Variants in ZNF451 observed in about 807,000 individuals in gnomAD.
The protein encoded by ZNF451 is zinc finger protein 451.
ZNF451 carries 80 observed loss-of-function variants against 107.1 expected under a neutral mutation model. The ratio of observed to expected loss-of-function variants is 0.75; its 90% CI spans 0.62 to 0.90. The LOEUF (loss-of-function observed/expected upper bound fraction) is 0.90, where lower values mean the gene tolerates loss of function less well. ZNF451 is among the 40% of genes least tolerant of loss of function. The pLI is 0.00. For synonymous variants in ZNF451, 362 were observed against 406.5 expected (o/e 0.89, Z 1.32); for missense variants, 1,107 against 1,236.2 (o/e 0.90, Z 1.57).
intron 6 of ZNF451, among the ~76,000 whole-genome samples, chr6:57,133,583 A>T (rs1231317982): frequency 6.6e-6 from 1 of 152,228 alleles, no homozygotes; most frequent in Non-Finnish European, 1.5e-5. Flanking sequence ...TTACAAAATA[A>T]ATGTTAAAAG....
intron 3 of ZNF451, chr6:57,115,270 A>T (rs781001015): frequency 2.0e-5 from 3 of 152,200 alleles, no homozygotes; most frequent in Non-Finnish European, 2.9e-5. Flanking sequence ...TGTCAGAAAA[A>T]AAAAGTATCT....
At chr6:57,098,189 C>T (rs544067426) in intron 2 of ZNF451, among the ~76,000 whole-genome samples, 2 of 149,588 alleles carry the variant, frequency 1.3e-5, no homozygotes, top group East Asian at 2.0e-4. Context: ...AGGCTGGTCT[C>T]GAACTCCAGC....
chr6:57,161,693 T>G (rs1424143047), intron 14 of ZNF451, among the ~76,000 whole-genome samples: 1 of 152,100 alleles, frequency 6.6e-6, no homozygotes, highest in East Asian at 1.9e-4. Context: ...GGGTTTTTTT[T>G]GTTTGTTTTT....
chr6:57,143,638 CG>C (rs1162797488), intron 9 of ZNF451, among the ~76,000 whole-genome samples: 2 of 152,152 alleles, frequency 1.3e-5, no homozygotes, highest in Non-Finnish European at 2.9e-5. Context: ...GTTAAAAATA[CG>C]TATCTCTTTT....
At chr6:57,162,806 TA>T (rs1197729877) in intron 14 of ZNF451, among the ~76,000 whole-genome samples, 2 of 152,236 alleles carry the variant, frequency 1.3e-5, no homozygotes, top group African/African-American at 4.8e-5. Context: ...TGTAACTGGA[TA>T]TGTACCACAT....
chr6:57,101,835 G>T (rs1487964047), intron 3 of ZNF451: 10 of 1,550,446 alleles, frequency 6.4e-6, no homozygotes, highest in African/African-American at 1.4e-5. Context: ...CCCAGGAGAA[G>T]ATCTCCCACT....
chr6:57,106,617 T>C lies in ZNF451; in HGVS notation c.186+7476T>C, dbSNP rs572849815. 1,851 of 981,254 alleles carry C rather than the reference T, an allele frequency of 1.9e-3. 1 individual carries two copies. The highest frequency in any genetic ancestry group is 5.5e-3 in the Admixed American group (89 of 16,226). The allele number at this position is 981,254 out of a possible 1,614,324, so 60.8% of individuals were successfully genotyped here. On this transcript the variant is annotated intron_variant, in intron 3 of 14. Coordinates refer to ENST00000370706, the MANE Select transcript of ZNF451 (RefSeq NM_001031623.3). ...CACCGCGCCTGGCTGTGAAATTTTT[T>C]TTTTTTTTTTTTTTATGTGAGGCAT...
chr6:57,141,836 A>G, intron 8 of ZNF451, 112 bp from the exon 9 acceptor site: 1 of 926,108 alleles, frequency 1.1e-6, no homozygotes, highest in Non-Finnish European at 1.6e-6. Context: ...TTGCCAAAAT[A>G]ACTGTCTTCT....
intron 14 of ZNF451, among the ~76,000 whole-genome samples, chr6:57,167,006 A>G (rs1763928053): frequency 6.6e-6 from 1 of 152,184 alleles, no homozygotes; most frequent in South Asian, 2.1e-4. Context: ...TGGAGGTATG[A>G]TATCTTTGTA....
At chr6:57,096,378 G>T (rs1400365817) in intron 2 of ZNF451, among the ~76,000 whole-genome samples, 1 of 151,162 alleles carries the variant, frequency 6.6e-6, no homozygotes, top group Admixed American at 6.6e-5. Context: ...TGGAGACAGG[G>T]TTTTACCATG....
chr6:57,130,520 G>A (rs991329141), intron 5 of ZNF451, among the ~76,000 whole-genome samples: 1 of 152,024 alleles, frequency 6.6e-6, no homozygotes, highest in African/African-American at 2.4e-5. Context: ...ATCCCTAGGT[G>A]GATAGGAAAA....
chr6:57,166,059 C>T (rs550826237), intron 14 of ZNF451, among the ~76,000 whole-genome samples: 7 of 151,400 alleles, frequency 4.6e-5, no homozygotes, highest in African/African-American at 1.7e-4. Context: ...ACGGAGTCTT[C>T]CTCTGTTGCC....
In ZNF451 at chr6:57,147,883, A is replaced by T; in HGVS notation, c.1798A>T (p.Ser600Cys). Residue 600 changes from serine to cysteine, a missense_variant, in exon 10 of 15, where the codon AGT becomes TGT. Ser to Cys is a moderately radical substitution (Grantham distance 112). Around this residue, in one of 5 missense-constraint regions of ZNF451, gnomAD observed 608 missense variants for 649.2 expected, o/e 0.94. Coordinates refer to ENST00000370706, the MANE Select transcript of ZNF451 (RefSeq NM_001031623.3). ...TGTTATTGATCATTCCCCGGCAAAT[A>T]GTTCTCCGAGGGGTAAATGGCAATG... ...ITVIDHSPAN[S>C]SPRGKWQCRI... 1 of 1,614,156 alleles carries T rather than the reference A, an allele frequency of 6.2e-7. No homozygotes were observed. The highest frequency in any genetic ancestry group is 8.5e-7 in the Non-Finnish European group (1 of 1,179,980).
At chr6:57,109,099 C>A (rs1829998526) in intron 3 of ZNF451, 2 of 985,386 alleles carry the variant, frequency 2.0e-6, no homozygotes, top group Non-Finnish European at 2.4e-6. Flanking sequence ...TAACTAATTC[C>A]TGATTATTTC....
At chr6:57,145,534 A>G (rs1005599890) in intron 9 of ZNF451, among the ~76,000 whole-genome samples, 4 of 152,184 alleles carry the variant, frequency 2.6e-5, no homozygotes, top group Non-Finnish European at 5.9e-5. Context: ...TTTAACTCCC[A>G]CTTAGAAATG....
chr6:57,096,548 T>G (rs1019496530), intron 2 of ZNF451, among the ~76,000 whole-genome samples: 1 of 146,682 alleles, frequency 6.8e-6, no homozygotes, highest in African/African-American at 2.5e-5. Flanking sequence ...ATCTTTCATC[T>G]TCTTCTTTAC....
At chr6:57,097,695 T>C (rs907471902) in intron 2 of ZNF451, among the ~76,000 whole-genome samples, 6 of 152,142 alleles carry the variant, frequency 3.9e-5, no homozygotes, top group African/African-American at 1.4e-4. Flanking sequence ...AGTTTAATAG[T>C]CTTCTAGGGG....
chr6:57,145,217 T>A (rs1832003808), intron 9 of ZNF451, among the ~76,000 whole-genome samples: 1 of 152,188 alleles, frequency 6.6e-6, no homozygotes, highest in Non-Finnish European at 1.5e-5. Flanking sequence ...TGTGGAATAG[T>A]ATGTGGTTTT....
intron 13 of ZNF451, chr6:57,158,475 G>C: frequency 2.0e-6 from 2 of 982,564 alleles, no homozygotes; most frequent in Non-Finnish European, 2.4e-6. Context: ...AATTTCTTTA[G>C]GATCTTTTGT....
Sources: gnomAD v4.1 joint callset for allele counts (sites outside exome capture counted in the v4.1 genomes callset) on GRCh38, gnomAD v4.1.1 for gene constraint, gnomAD v4.1.1 regional missense constraint, MANE v1.5 for transcripts, NCBI Gene and HGNC (gene_info 2026-07-23, HGNC 2026-07-21) for gene names.